Variants in SDK1 observed in about 807,000 individuals in gnomAD.
SDK1 encodes the protein protein sidekick-1.
A neutral mutation model predicts 245.5 loss-of-function variants in SDK1; 157 were observed. The ratio of observed to expected loss-of-function variants is 0.64; its 90% confidence interval spans 0.56 to 0.73. The LOEUF is 0.73. Ranked by LOEUF, SDK1 falls within the 30% of genes least tolerant of loss-of-function variation. The probability of loss-of-function intolerance (pLI) is 0.00; values close to 1 mark genes in which losing one functional copy is unlikely to be tolerated. For synonymous variants in SDK1, 1,647 were observed against 1,278.5 expected, an observed-to-expected ratio of 1.29 and a Z score of -6.15; for missense variants, 3,583 against 3,002.3, an observed-to-expected ratio of 1.19 and a Z score of -4.52.
intron 5 of SDK1, among the ~76,000 whole-genome samples, chr7:3,870,718 A>G (rs914923973): frequency 1.3e-5 from 2 of 152,178 alleles, no homozygotes; most frequent in African/African-American, 4.8e-5. Context: ...AAAATGAACA[A>G]ATTAACATTG....
intron 4 of SDK1, among the ~76,000 whole-genome samples, chr7:3,685,547 A>G (rs879875901): frequency 6.6e-6 from 1 of 152,192 alleles, no homozygotes; most frequent in Non-Finnish European, 1.5e-5. Flanking sequence ...ATAGGGGCAA[A>G]TATAATACAC....
At chr7:4,177,569 A>C (rs985747243) in intron 34 of SDK1, among the ~76,000 whole-genome samples, 1 of 152,078 alleles carries the variant, frequency 6.6e-6, no homozygotes, top group African/African-American at 2.4e-5. Flanking sequence ...ATCTGTTCAT[A>C]ATTTCAAGGA....
At chr7:3,904,016 C>T (rs537127502) in intron 5 of SDK1, among the ~76,000 whole-genome samples, 6 of 152,122 alleles carry the variant, frequency 3.9e-5, no homozygotes, top group East Asian at 3.9e-4. Context: ...CACATGCAGA[C>T]GTCCAATCTT....
chr7:3,658,062 C>A (rs989507350), intron 4 of SDK1, among the ~76,000 whole-genome samples: 1 of 152,166 alleles, frequency 6.6e-6, no homozygotes, highest in Non-Finnish European at 1.5e-5. Flanking sequence ...GGCAAGTGCC[C>A]GACTTCGGTG....
chr7:3,463,036 C>T (rs1253906578), intron 1 of SDK1, among the ~76,000 whole-genome samples: 1 of 152,144 alleles, frequency 6.6e-6, no homozygotes, highest in Admixed American at 6.6e-5. Flanking sequence ...GTGAATTGTG[C>T]CTTGTTCCCT....
intron 32 of SDK1, among the ~76,000 whole-genome samples, chr7:4,165,412 T>C (rs920356836): frequency 6.6e-6 from 1 of 152,152 alleles, no homozygotes; most frequent in African/African-American, 2.4e-5. Flanking sequence ...TATAGACCCA[T>C]TTAAATGCCT....
chr7:3,801,279 A>G (rs574042755), intron 4 of SDK1, among the ~76,000 whole-genome samples: 2 of 152,326 alleles, frequency 1.3e-5, no homozygotes, highest in South Asian at 4.1e-4. Flanking sequence ...GGGTTAATGA[A>G]AACTTTTCTA....
intron 4 of SDK1, among the ~76,000 whole-genome samples, chr7:3,686,147 C>A (rs1784275275): frequency 6.6e-6 from 1 of 152,170 alleles, no homozygotes. Context: ...ATGGTCTCGG[C>A]CCACTGCAAC....
At chr7:3,505,466 G>A (rs1481006155) in intron 1 of SDK1, among the ~76,000 whole-genome samples, 1 of 152,048 alleles carries the variant, frequency 6.6e-6, no homozygotes, top group African/African-American at 2.4e-5. Context: ...GCTTCAGCTG[G>A]TCTCAAACTC....
rs142441133 is a variant in SDK1, at chr7:3,803,295, T to TTTTC, written c.714-18135_714-18132dup. Among the ~76,000 whole-genome samples the TTTTC allele has an allele frequency of 1.5e-3, 226 of 149,244 alleles. 1 individual carries two copies. Among genetic ancestry groups the TTTTC allele is most frequent in the African/African-American group, 5.1e-3 (211 of 41,012 alleles). The stretch of plus-strand genomic sequence containing the variant: ...ACTCTGCCCATTTTCTTTTCTTTTC[T>TTTTC]TTTCTTTCTTTCTTTCTTTCTTTTT... On this transcript the variant is annotated intron_variant, in intron 4 of 44. Transcript: ENST00000404826.
At chr7:3,686,307 C>G (rs1326747757) in intron 4 of SDK1, among the ~76,000 whole-genome samples, 10 of 152,162 alleles carry the variant, frequency 6.6e-5, no homozygotes, top group Admixed American at 6.5e-4. Flanking sequence ...AACTCCTGAC[C>G]TCGGGTGATC....
intron 20 of SDK1, among the ~76,000 whole-genome samples, chr7:4,070,358 C>T (rs758957704): frequency 6.6e-6 from 1 of 152,156 alleles, no homozygotes; most frequent in Non-Finnish European, 1.5e-5. Context: ...CTCTGCTTTG[C>T]AAAGACAGGA....
intron 22 of SDK1, among the ~76,000 whole-genome samples, chr7:4,081,455 C>G (rs552802094): frequency 1.3e-5 from 2 of 151,598 alleles, no homozygotes; most frequent in East Asian, 1.9e-4. Context: ...GAATCTTGCT[C>G]TGTCGCCAAG....
At position 3,343,224 on chromosome 7, in the gene SDK1, AGAGAAGCTTTAT is replaced by A. The variant is rs372866165; in HGVS notation, c.298+41341_298+41352del. Among the ~76,000 whole-genome samples the A allele has an allele frequency of 8.5e-4, 130 of 152,318 alleles. 1 individual carries two copies. The highest frequency in any genetic ancestry group is 2.9e-3 in the African/African-American group (122 of 41,552). On this transcript the variant is annotated intron_variant, in intron 1 of 44. Transcript: ENST00000404826. ...TGCAAAAACCTGTACACCAATGCTT[AGAGAAGCTTTAT>A]TTATAATAAATACCCCTACACAGGA... is the stretch of plus-strand genomic sequence containing the variant.
chr7:3,928,092 C>T (rs1779840382), intron 5 of SDK1, among the ~76,000 whole-genome samples: 1 of 152,132 alleles, frequency 6.6e-6, no homozygotes, highest in East Asian at 1.9e-4. Flanking sequence ...GTGACTGCCT[C>T]TGTCTTGATT....
chr7:3,430,170 T>A (rs1448228283), intron 1 of SDK1, among the ~76,000 whole-genome samples: 1 of 152,202 alleles, frequency 6.6e-6, no homozygotes, highest in Non-Finnish European at 1.5e-5. Flanking sequence ...CATCTCCGCA[T>A]GCTCCTAGAG....
chr7:3,919,216 G>A (rs528625010), intron 5 of SDK1, among the ~76,000 whole-genome samples: 2 of 152,278 alleles, frequency 1.3e-5, no homozygotes, highest in Non-Finnish European at 2.9e-5. Context: ...CATGAGCCCG[G>A]CTTCTCCCCC....
At chr7:4,124,886 G>A (rs1434835068) in intron 25 of SDK1, among the ~76,000 whole-genome samples, 1 of 148,020 alleles carries the variant, frequency 6.8e-6, no homozygotes, top group Non-Finnish European at 1.5e-5. Flanking sequence ...GTAGATGAAT[G>A]GATGGGTGGA....
intron 4 of SDK1, among the ~76,000 whole-genome samples, chr7:3,746,067 A>G (rs528434008): frequency 2.0e-5 from 3 of 152,322 alleles, no homozygotes; most frequent in South Asian, 2.1e-4. Flanking sequence ...ATTAAAGAAT[A>G]TAATACAGGC....
Sources: allele counts gnomAD v4.1 joint callset (sites outside exome capture counted in the v4.1 genomes callset), GRCh38; gene constraint gnomAD v4.1.1; transcripts MANE v1.5; gene names NCBI Gene and HGNC (gene_info 2026-07-23, HGNC 2026-07-21).